PCDHGA1: variants seen among roughly 807,000 people sequenced by gnomAD.
PCDHGA1 encodes protocadherin gamma-A1.
Under a neutral mutation model 58.0 loss-of-function variants are expected in PCDHGA1, and 32 were observed. The ratio of observed to expected loss-of-function variants is 0.55; its 90% confidence interval spans 0.42 to 0.74. The LOEUF is 0.74. Ranked by LOEUF, PCDHGA1 falls within the 30% of genes least tolerant of loss-of-function variation. The pLI, the probability that PCDHGA1 is intolerant of heterozygous loss-of-function variation, is 0.00. For synonymous variants in PCDHGA1, 498 were observed against 501.1 expected (o/e 0.99, Z 0.08); for missense variants, 1,205 against 1,182.3 (o/e 1.02, Z -0.28).
Position 141,432,184 on chromosome 5 carries a change from C to T in PCDHGA1, c.2422-62623C>T, listed in dbSNP as rs774512372. 3.7e-6 allele frequency: 6 copies of T among 1,614,164 alleles called. No homozygotes were observed. The highest frequency in any genetic ancestry group is 2.2e-5 in the South Asian group (2 of 91,080). On this transcript the variant is annotated intron_variant, in intron 1 of 3. Transcript: ENST00000517417. The surrounding 1 kb of genome is among the most constrained non-coding windows in gnomAD (Gnocchi z 6.0). Reference sequence around the variant, plus strand: ...GAGGAGTTTCCCTCGTCTCTGTGACCGCCCACGACCCCGACTGTGAAGAGA... The same window carrying T: ...GAGGAGTTTCCCTCGTCTCTGTGACTGCCCACGACCCCGACTGTGAAGAGA...
At chr5:141,403,895 T>G in intron 1 of PCDHGA1, 1 of 1,613,884 alleles carries the variant, frequency 6.2e-7, no homozygotes, top group Non-Finnish European at 8.5e-7. Context: ...ATGTTCATTT[T>G]ATGAAATGGA....
chr5:141,333,952 A>G (rs867380696), intron 1 of PCDHGA1: 4 of 152,264 alleles, frequency 2.6e-5, no homozygotes, highest in Admixed American at 2.0e-4. Flanking sequence ...CCTGACTTAT[A>G]CATTATACCT....
At chr5:141,421,618 G>T (rs748399893) in intron 1 of PCDHGA1, 1 of 1,613,766 alleles carries the variant, frequency 6.2e-7, no homozygotes, top group Non-Finnish European at 8.5e-7. Flanking sequence ...TAATGATAAC[G>T]CCCCCAGCTT....
chr5:141,361,618 G>T lies in PCDHGA1; in HGVS notation c.2421+28513G>T, dbSNP rs372928108. On this transcript the variant is annotated intron_variant, in intron 1 of 3. Transcript: ENST00000517417. ...AGTTTCCTACTCCATCGTAGCGAGC[G>T]ACCTGAAGCCGCGGGAGATTTTATC... 63 of 1,613,956 alleles carry T rather than the reference G, an allele frequency of 3.9e-5. No individual in the cohort carries two copies. The African/African-American group carries it at 4.1e-4, about 11-fold the overall frequency.
chr5:141,478,594 C>T, intron 1 of PCDHGA1: 2 of 1,569,448 alleles, frequency 1.3e-6, no homozygotes, highest in Non-Finnish European at 1.7e-6. Context: ...TTTTTTATTC[C>T]TACATCATAT....
At chr5:141,352,310 C>T (rs1323195949) in intron 1 of PCDHGA1, 3 of 1,614,086 alleles carry the variant, frequency 1.9e-6, no homozygotes, top group Non-Finnish European at 2.5e-6. Flanking sequence ...CCAGACGGAA[C>T]TGCAGTTTTA....
chr5:141,374,734 C>A, intron 1 of PCDHGA1: 1 of 1,610,164 alleles, frequency 6.2e-7, no homozygotes, highest in East Asian at 2.2e-5. Flanking sequence ...CCATGGATGG[C>A]GGCGACCCTG....
At chr5:141,374,153 TG>T in intron 1 of PCDHGA1, 1 of 1,612,060 alleles carries the variant, frequency 6.2e-7, no homozygotes, top group African/African-American at 1.3e-5. Context: ...GGGGACGCTG[TG>T]GGGGGCCGCG....
rs747671382 is a variant in PCDHGA1 at position 141,444,152 on chromosome 5, A to ATTTTTTTTTT, written c.2422-50628_2422-50619dup. 1.8e-4 allele frequency among the ~76,000 whole-genome samples: 6 copies of ATTTTTTTTTT among 33,898 alleles called. 2 individuals are homozygous for ATTTTTTTTTT. Among genetic ancestry groups the ATTTTTTTTTT allele is most frequent in the Non-Finnish European group, 3.1e-4 (6 of 19,312 alleles). The allele number at this position is 33,898 out of a possible 152,430, so 22.2% of individuals were successfully genotyped here. A position where few individuals can be genotyped will look rare whatever the true frequency, so the allele number is the denominator to read the frequency against. On this transcript the variant is annotated intron_variant, in intron 1 of 3. Coordinates refer to ENST00000517417, the MANE Select transcript of PCDHGA1 (RefSeq NM_018912.3). ...GATATGTGTCACTTGTGTGTACTGG[A>ATTTTTTTTTT]TTTTTTTTTTTTTTTTTTTTTTTTT...
rs753353256 is a variant in PCDHGA1 at position 141,344,925 on chromosome 5, A to G, written c.2421+11820A>G. ...TGAGATTTTCCATCTTAACTCAGTGAGTGGAGAAGTATCAATATTAAAAAG... is the reference window on the plus strand; with the variant it reads ...TGAGATTTTCCATCTTAACTCAGTGGGTGGAGAAGTATCAATATTAAAAAG... On this transcript the variant is annotated intron_variant, in intron 1 of 3. Transcript: ENST00000517417. The G allele has an allele frequency of 9.9e-6, 16 of 1,613,834 alleles. No homozygotes were observed. In the Admixed American group the frequency reaches 2.3e-4, roughly 24 times the overall value.
chr5:141,357,123 G>T lies in PCDHGA1; in HGVS notation c.2421+24018G>T. On this transcript the variant is annotated intron_variant, in intron 1 of 3. Coordinates refer to ENST00000517417, the MANE Select transcript of PCDHGA1 (RefSeq NM_018912.3). ...TGGACAGAGACGCGCTCAAGCAGAG[G>T]CTTGTAGTGGTCGTCCAGGACCATG... 8 of 1,613,670 alleles carry T rather than the reference G, an allele frequency of 5.0e-6. No individual in the cohort carries two copies. The South Asian group carries it at 6.6e-5, about 13-fold the overall frequency.
chr5:141,407,659 T>C (rs1443799600), intron 1 of PCDHGA1, among the ~76,000 whole-genome samples: 1 of 152,136 alleles, frequency 6.6e-6, no homozygotes, highest in East Asian at 1.9e-4. Flanking sequence ...GGGAGCGCAG[T>C]ATATATTAAA....
At chr5:141,380,946 C>T (rs555019785) in intron 1 of PCDHGA1, among the ~76,000 whole-genome samples, 2 of 152,210 alleles carry the variant, frequency 1.3e-5, no homozygotes, top group African/African-American at 2.4e-5. Flanking sequence ...CTTGCCTCAA[C>T]AAGAAGTTCA....
intron 1 of PCDHGA1, chr5:141,344,030 G>C (rs756820542): frequency 6.5e-7 from 1 of 1,539,408 alleles, no homozygotes; most frequent in Non-Finnish European, 8.7e-7. Flanking sequence ...TCACCGAAAA[G>C]GAAATGACCA....
At chr5:141,344,687 C>T (rs1047556381) in intron 1 of PCDHGA1, 2 of 1,613,822 alleles carry the variant, frequency 1.2e-6, no homozygotes, top group African/African-American at 2.7e-5. Flanking sequence ...CTGATGGTGG[C>T]GACCCTGTCC....
Position 141,383,260 on chromosome 5 carries a change from G to C in PCDHGA1, c.2421+50155G>C, listed in dbSNP as rs375487349. On this transcript the variant is annotated intron_variant, in intron 1 of 3. Coordinates refer to ENST00000517417, the MANE Select transcript of PCDHGA1 (RefSeq NM_018912.3). ...TAAAATGAATCTTTACCCTATAGAC[G>C]TGGAAATAATAGATATTAATGACAA... 3.7e-6 allele frequency: 6 copies of C among 1,613,782 alleles called. No homozygotes were observed. The African/African-American group carries it at 6.7e-5, about 18-fold the overall frequency.
intron 1 of PCDHGA1, chr5:141,418,494 T>TGATGGTGGG: frequency 6.2e-7 from 1 of 1,614,020 alleles, no homozygotes; most frequent in Non-Finnish European, 8.5e-7. Context: ...CACTTGGTAC[T>TGATGGTGGG]GACCGCCTTA....
chr5:141,444,920 G>A (rs2098451595), intron 1 of PCDHGA1, among the ~76,000 whole-genome samples: 1 of 152,110 alleles, frequency 6.6e-6, no homozygotes, highest in Non-Finnish European at 1.5e-5. Context: ...ACCTTTATCA[G>A]GGAAAGAGGG....
chr5:141,511,462 C>T lies in PCDHGA1; in HGVS notation c.*289C>T, dbSNP rs1385398410. On this transcript the variant is annotated 3_prime_UTR_variant, in exon 4 of 4. Transcript: ENST00000517417. Reference sequence around the variant, plus strand: ...AGACACCAAGAACCATTTGCCACACCCCGTTTAGTTACAGCTGAACTCCTC... The same window carrying T: ...AGACACCAAGAACCATTTGCCACACTCCGTTTAGTTACAGCTGAACTCCTC... 5.4e-6 allele frequency: 3 copies of T among 556,350 alleles called. No individual in the cohort carries two copies. In the South Asian group the frequency reaches 6.3e-5, roughly 12 times the overall value. 34.5% of individuals were successfully genotyped at this position (556,350 alleles called of 1,614,324 possible).
Sources: gnomAD v4.1 joint callset for allele counts (sites outside exome capture counted in the v4.1 genomes callset) on GRCh38, gnomAD v4.1.1 for gene constraint, Gnocchi (gnomAD v3.1) non-coding constraint, MANE v1.5 for transcripts, NCBI Gene and HGNC (gene_info 2026-07-23, HGNC 2026-07-21) for gene names.